The following DMD variants were observed in gnomAD, a reference collection of about 807,000 sequenced individuals.
DMD encodes the protein dystrophin, also known as mutant dystrophin.
In DMD, 63 loss-of-function variants were observed where a neutral mutation model predicts 330.1. That is an observed-to-expected ratio of 0.19 (90% confidence interval 0.16 to 0.24). DMD has a LOEUF of 0.24. Ranked by LOEUF, DMD falls within the 10% of genes least tolerant of loss-of-function variation. The pLI, the probability that DMD is intolerant of heterozygous loss-of-function variation, is 1.00. For missense variants in DMD, 3,344 were observed against 2,684.1 expected (o/e 1.25, Z -5.43); for synonymous variants, 1,223 against 959.8 (o/e 1.27, Z -5.07).
intron 7 of DMD, among the ~76,000 whole-genome samples, chrX:32,719,733 T>C (rs1364220360): frequency 3.6e-5 from 4 of 111,262 alleles, no homozygotes; most frequent in African/African-American, 6.5e-5. Flanking sequence ...ACTTTTTTTT[T>C]CATTTATTTA....
At chrX:31,918,775 T>C (rs541736717) in intron 47 of DMD, among the ~76,000 whole-genome samples, 15 of 110,404 alleles carry the variant, frequency 1.4e-4, no homozygotes, top group African/African-American at 4.9e-4. Context: ...GTAGCTGTGA[T>C]TCAAGTCATG....
intron 9 of DMD, among the ~76,000 whole-genome samples, chrX:32,689,993 G>A (rs1296741979): frequency 9.1e-6 from 1 of 110,226 alleles, no homozygotes; most frequent in Non-Finnish European, 1.9e-5. Context: ...TCAGGAACAG[G>A]AGGAACAAGG....
chrX:32,106,913 T>C (rs2096566454), intron 44 of DMD, among the ~76,000 whole-genome samples: 1 of 112,224 alleles, frequency 8.9e-6, no homozygotes, highest in African/African-American at 3.2e-5. Context: ...AAATCTTACA[T>C]GTACTTTTAC....
intron 2 of DMD, among the ~76,000 whole-genome samples, chrX:33,019,756 C>T (rs113619272): frequency 1.6e-4 from 18 of 111,339 alleles, no homozygotes; most frequent in African/African-American, 5.9e-4. Flanking sequence ...TTTTCTTGAA[C>T]TTGGTAAAGA....
chrX:32,172,456 T>C (rs1186732144), intron 44 of DMD, among the ~76,000 whole-genome samples: 1 of 111,933 alleles, frequency 8.9e-6, no homozygotes, highest in Non-Finnish European at 1.9e-5. Context: ...TTTCCGAATA[T>C]GCCACAGAAT....
intron 2 of DMD, among the ~76,000 whole-genome samples, chrX:32,921,404 C>G (rs183981100): frequency 8.9e-6 from 1 of 111,956 alleles, no homozygotes; most frequent in Non-Finnish European, 1.9e-5. Flanking sequence ...TAAGTGCAAA[C>G]TAAAAGACAT....
chrX:32,163,907 A>T (rs777525061), intron 44 of DMD, among the ~76,000 whole-genome samples: 2 of 111,549 alleles, frequency 1.8e-5, no homozygotes, highest in Non-Finnish European at 3.8e-5. Flanking sequence ...TTTCAAAATA[A>T]CAAGTTTGAA....
chrX:32,229,744 A>ATC (rs2097162380), intron 43 of DMD, among the ~76,000 whole-genome samples: 1 of 81,251 alleles, frequency 1.2e-5, no homozygotes, highest in Non-Finnish European at 2.3e-5. Flanking sequence ...AGAGTTTGGG[A>ATC]ATAAGTATAC....
intron 28 of DMD, among the ~76,000 whole-genome samples, chrX:32,440,491 T>G (rs2098277665): frequency 9.0e-6 from 1 of 111,449 alleles, no homozygotes; most frequent in Admixed American, 9.6e-5. Context: ...ACAGAGGGGC[T>G]ATACTACTTA....
At chrX:33,093,295 G>A (rs756390238) in intron 1 of DMD, among the ~76,000 whole-genome samples, 42 of 112,344 alleles carry the variant, frequency 3.7e-4, no homozygotes, top group African/African-American at 1.3e-3. Flanking sequence ...TCTGAATACA[G>A]ATAATGTAAA....
chrX:32,101,392 A>T (rs928852005), intron 44 of DMD, among the ~76,000 whole-genome samples: 3 of 111,377 alleles, frequency 2.7e-5, no homozygotes, highest in African/African-American at 9.8e-5. Flanking sequence ...CACACAGGGA[A>T]AAGTCATGTA....
intron 59 of DMD, among the ~76,000 whole-genome samples, chrX:31,454,951 CTTTTT>C (rs61091457): frequency 1.2e-5 from 1 of 80,195 alleles, no homozygotes; most frequent in African/African-American, 5.0e-5. Context: ...TTTTCTTTTT[CTTTTT>C]TTTTTTTTTT....
chrX:31,861,638 C>CTGTG (rs1556949987), intron 48 of DMD, among the ~76,000 whole-genome samples: 110 of 83,104 alleles, frequency 1.3e-3, no homozygotes, highest in Non-Finnish European at 1.9e-3. Flanking sequence ...AAATAATCAC[C>CTGTG]TGTGTGTGTG....
At chrX:31,576,957 C>T (rs62587292) in intron 55 of DMD, among the ~76,000 whole-genome samples, 4,483 of 110,188 alleles carry the variant, frequency 0.041, 166 homozygotes, top group Admixed American at 0.16. Context: ...CCTCGTGATC[C>T]GCCCGCCTCG....
intron 1 of DMD, among the ~76,000 whole-genome samples, chrX:33,058,993 G>C (rs893791805): frequency 8.9e-6 from 1 of 111,825 alleles, no homozygotes; most frequent in African/African-American, 3.2e-5. Flanking sequence ...TATACGTCTT[G>C]TGAATATTTT....
chrX:31,274,527 T>C (rs373414990), intron 62 of DMD, among the ~76,000 whole-genome samples: 2 of 111,580 alleles, frequency 1.8e-5, no homozygotes, highest in Admixed American at 9.5e-5. Context: ...CAGGGATCCA[T>C]AAAAGGGGAA....
intron 62 of DMD, 130 bp from the exon 63 acceptor site, chrX:31,261,146 C>T (rs2050472367): frequency 3.5e-6 from 2 of 570,894 alleles, no homozygotes; most frequent in East Asian, 7.3e-5. Context: ...TATTTCAAAG[C>T]GCTTCCATAG....
intron 1 of DMD, among the ~76,000 whole-genome samples, chrX:33,109,266 G>A (rs1364025709): frequency 1.8e-5 from 2 of 111,114 alleles, no homozygotes; most frequent in South Asian, 3.8e-4. Context: ...CAATAATAAC[G>A]GTCTTAAAGA....
chrX:31,131,316 T>C (rs1214049718), intron 77 of DMD, among the ~76,000 whole-genome samples: 1 of 112,268 alleles, frequency 8.9e-6, no homozygotes, highest in Admixed American at 9.4e-5. Flanking sequence ...ATAAATAAAA[T>C]AGAAAAACAG....
Sources: gnomAD v4.1 joint callset for allele counts (sites outside exome capture counted in the v4.1 genomes callset) on GRCh38, gnomAD v4.1.1 for gene constraint, MANE v1.5 for transcripts, NCBI Gene and HGNC (gene_info 2026-07-23, HGNC 2026-07-21) for gene names.